Variants in KCTD8 observed in about 807,000 individuals in gnomAD.
KCTD8 encodes BTB/POZ domain-containing protein KCTD8.
Under a neutral mutation model 31.5 loss-of-function variants are expected in KCTD8, and 27 were observed. That is an observed-to-expected ratio of 0.86 (90% CI 0.63 to 1.18). KCTD8 has a LOEUF of 1.18. Among genes scored for constraint, KCTD8 ranks in the 50% most tolerant of loss-of-function variants. The pLI is 0.00. For synonymous variants in KCTD8, 290 were observed against 280.0 expected (o/e 1.04, Z -0.36); for missense variants, 658 against 647.7 (o/e 1.02, Z -0.17).
At chr4:44,189,967 A>G (rs1451288946) in intron 1 of KCTD8, among the ~76,000 whole-genome samples, 1 of 152,094 alleles carries the variant, frequency 6.6e-6, no homozygotes, top group Non-Finnish European at 1.5e-5. Context: ...GCAAACAGTT[A>G]TCTAGTCCTC....
At chr4:44,355,787 GTTC>G (rs1484507669) in intron 1 of KCTD8, among the ~76,000 whole-genome samples, 1 of 152,116 alleles carries the variant, frequency 6.6e-6, no homozygotes, top group Non-Finnish European at 1.5e-5. Flanking sequence ...AATTAGCACA[GTTC>G]TTCATTTTAT....
At chr4:44,413,397 C>A (rs1302761914) in intron 1 of KCTD8, among the ~76,000 whole-genome samples, 5 of 152,030 alleles carry the variant, frequency 3.3e-5, no homozygotes, top group East Asian at 1.9e-4. Flanking sequence ...AAAAGAAATC[C>A]CTGTTCCCCT....
intron 1 of KCTD8, among the ~76,000 whole-genome samples, chr4:44,425,645 T>C (rs1721327711): frequency 6.6e-6 from 1 of 151,986 alleles, no homozygotes. Flanking sequence ...TAGTTTCTGG[T>C]TATTACTGAC....
At chr4:44,363,036 T>C (rs1232839581) in intron 1 of KCTD8, among the ~76,000 whole-genome samples, 1 of 152,128 alleles carries the variant, frequency 6.6e-6, no homozygotes, top group Non-Finnish European at 1.5e-5. Flanking sequence ...TTTAGATTGA[T>C]ATTTTCAATT....
intron 1 of KCTD8, among the ~76,000 whole-genome samples, chr4:44,288,174 A>G (rs555441288): frequency 2.0e-4 from 30 of 152,254 alleles, no homozygotes; most frequent in Non-Finnish European, 3.2e-4. Flanking sequence ...TTCTATATAA[A>G]AGGCACTTAA....
At chr4:44,355,354 G>A (rs1719315828) in intron 1 of KCTD8, among the ~76,000 whole-genome samples, 1 of 152,050 alleles carries the variant, frequency 6.6e-6, no homozygotes, top group African/African-American at 2.4e-5. Flanking sequence ...GAGTTAGTGA[G>A]ATCAATTAAG....
intron 1 of KCTD8, among the ~76,000 whole-genome samples, chr4:44,412,540 G>T (rs969016706): frequency 6.6e-6 from 1 of 152,070 alleles, no homozygotes; most frequent in African/African-American, 2.4e-5. Flanking sequence ...TACCTTTATG[G>T]CTTGGAAGAG....
chr4:44,400,680 A>G (rs6825203), intron 1 of KCTD8, among the ~76,000 whole-genome samples: 121,820 of 147,910 alleles, frequency 0.82, 50,384 homozygotes, highest in South Asian at 0.88. Flanking sequence ...AGTGAGCTGA[A>G]ATCGTGCCAC....
intron 1 of KCTD8, among the ~76,000 whole-genome samples, chr4:44,200,370 G>T (rs577477580): frequency 1.8e-4 from 28 of 151,368 alleles, no homozygotes; most frequent in Non-Finnish European, 3.4e-4. Context: ...AAAACTACAG[G>T]CCAATATTCC....
chr4:44,202,876 A>T (rs773223814), intron 1 of KCTD8, among the ~76,000 whole-genome samples: 2 of 152,150 alleles, frequency 1.3e-5, no homozygotes, highest in Non-Finnish European at 2.9e-5. Context: ...AAAATTGAAA[A>T]TTTTCTTTAG....
intron 1 of KCTD8, among the ~76,000 whole-genome samples, chr4:44,360,044 T>C (rs1197483757): frequency 6.6e-6 from 1 of 152,022 alleles, no homozygotes; most frequent in Non-Finnish European, 1.5e-5. Context: ...CTTTCCCTTA[T>C]GATACAGGGG....
intron 1 of KCTD8, among the ~76,000 whole-genome samples, chr4:44,365,419 G>A (rs750918408): frequency 6.6e-6 from 1 of 151,730 alleles, no homozygotes; most frequent in African/African-American, 2.4e-5. Flanking sequence ...ATAAAGAAAG[G>A]GTATGTTATA....
chr4:44,435,089 G>A (rs1721610457), intron 1 of KCTD8, among the ~76,000 whole-genome samples: 2 of 151,932 alleles, frequency 1.3e-5, no homozygotes. Flanking sequence ...ATGAAGAGTA[G>A]AATAGCTTCT....
intron 1 of KCTD8, among the ~76,000 whole-genome samples, chr4:44,323,466 C>T (rs1718352375): frequency 6.6e-6 from 1 of 150,746 alleles, no homozygotes; most frequent in Non-Finnish European, 1.5e-5. Context: ...TGCACTCCAG[C>T]CTGGGCGACA....
Position 44,252,263 on chromosome 4 carries a change from C to A in KCTD8, c.962-77013G>T, listed in dbSNP as rs557895346. On this transcript the variant is annotated intron_variant, in intron 1 of 1. Coordinates refer to ENST00000360029, the MANE Select transcript of KCTD8 (RefSeq NM_198353.3). Reference sequence around the variant, plus strand: ...ATATATCACAATTTATTTATCTACTCATTGATTGATGGGCTAGTTCCATAT... The same window carrying A: ...ATATATCACAATTTATTTATCTACTAATTGATTGATGGGCTAGTTCCATAT... Among the ~76,000 whole-genome samples, 39 of 151,698 alleles carry A rather than the reference C, an allele frequency of 2.6e-4. No homozygotes were observed. The Middle Eastern group carries it at 0.01, about 40-fold the overall frequency.
At chr4:44,178,264 T>A (rs748760438) in intron 1 of KCTD8, among the ~76,000 whole-genome samples, 1 of 152,062 alleles carries the variant, frequency 6.6e-6, no homozygotes, top group Admixed American at 6.6e-5. Context: ...TATATCAAGG[T>A]ATATCAGTGG....
chr4:44,206,289 C>A (rs1046752411), intron 1 of KCTD8, among the ~76,000 whole-genome samples: 4 of 151,944 alleles, frequency 2.6e-5, no homozygotes, highest in African/African-American at 9.7e-5. Context: ...CCAGGTGACC[C>A]TTTTCAGCTC....
In KCTD8 at chr4:44,217,699, G is replaced by C. The variant is rs115213616; in HGVS notation, c.962-42449C>G. 6.5e-3 allele frequency among the ~76,000 whole-genome samples: 984 copies of C among 152,310 alleles called. 11 individuals carry two copies. The highest frequency in any genetic ancestry group is 0.022 in the African/African-American group (922 of 41,564). On this transcript the variant is annotated intron_variant, in intron 1 of 1. Coordinates refer to ENST00000360029, the MANE Select transcript of KCTD8 (RefSeq NM_198353.3). ...AGAAGAAGGTGGGATAAGCTAGCTT[G>C]CTGAGTCTTCTGGCTTTCCTCTTTC...
intron 1 of KCTD8, among the ~76,000 whole-genome samples, chr4:44,261,394 A>G (rs1716160314): frequency 6.6e-6 from 1 of 151,982 alleles, no homozygotes. Flanking sequence ...TATATGTTAT[A>G]TAACCTCATG....
Sources: allele counts gnomAD v4.1 joint callset (sites outside exome capture counted in the v4.1 genomes callset), GRCh38; gene constraint gnomAD v4.1.1; transcripts MANE v1.5; gene names NCBI Gene and HGNC (gene_info 2026-07-23, HGNC 2026-07-21).